Variants in OR7A17 observed in about 807,000 individuals in gnomAD.
The protein encoded by OR7A17 is olfactory receptor family 7 subfamily A member 17.
For missense variants in OR7A17, 366 were observed against 365.5 expected (o/e 1.00, Z -0.01); for synonymous variants, 159 against 142.1 (o/e 1.12, Z -0.85).
rs1241864233 is a variant in OR7A17 at position 14,881,518 on chromosome 19, T to C, written c.-163A>G. ...TGCTGAGATTATAGGCATAAGCCATTGTGCCCAGGCTTGGTTGCATCTTTT... is the reference window on the plus strand; with the variant it reads ...TGCTGAGATTATAGGCATAAGCCATCGTGCCCAGGCTTGGTTGCATCTTTT... On this transcript the variant is annotated 5_prime_UTR_variant, in exon 3 of 3. Coordinates refer to ENST00000641113, the MANE Select transcript of OR7A17 (RefSeq NM_030901.2). The C allele has an allele frequency of 5.5e-6, 2 of 366,380 alleles. No homozygotes were observed. Among genetic ancestry groups the C allele is most frequent in the Non-Finnish European group, 9.3e-6 (2 of 214,888 alleles). 22.7% of individuals were successfully genotyped at this position (366,380 alleles called of 1,614,324 possible).
chr19:14,883,480 T>A (rs968299067), intron 1 of OR7A17, among the ~76,000 whole-genome samples: 5 of 152,108 alleles, frequency 3.3e-5, no homozygotes, highest in Admixed American at 2.6e-4. Flanking sequence ...CTGCACACAC[T>A]ATGATAACTG....
chr19:14,882,391 G>T (rs528342409), intron 1 of OR7A17, among the ~76,000 whole-genome samples: 17 of 152,348 alleles, frequency 1.1e-4, no homozygotes, highest in African/African-American at 3.8e-4. Flanking sequence ...GCAGAATGAA[G>T]ACAGGGCGAG....
At chr19:14,882,956 C>T (rs915476829) in intron 1 of OR7A17, among the ~76,000 whole-genome samples, 12 of 152,308 alleles carry the variant, frequency 7.9e-5, no homozygotes, top group East Asian at 7.7e-4. Flanking sequence ...TCTTTCCCCA[C>T]GAGAATTCAG....
chr19:14,884,621 G>A (rs2145121711), intron 1 of OR7A17: 1 of 152,254 alleles, frequency 6.6e-6, no homozygotes, highest in Admixed American at 6.5e-5. Context: ...TGAAATTGAG[G>A]CAGTAATTAA....
chr19:14,880,739 A>G lies in OR7A17; in HGVS notation c.617T>C (p.Leu206Pro). 1 of 1,614,264 alleles carries G rather than the reference A, an allele frequency of 6.2e-7. No homozygotes were observed. Among genetic ancestry groups the G allele is most frequent in the Non-Finnish European group, 8.5e-7 (1 of 1,180,046 alleles). Residue 206 changes from leucine to proline, a missense_variant, in exon 3 of 3, where the codon CTG becomes CCG. Coordinates refer to ENST00000641113, the MANE Select transcript of OR7A17 (RefSeq NM_030901.2). ...DMGMYFAAGL[L>P]AGGPLVGILC... ...GATCCCCACAAGGGGACCACCAGCCAGCAGCCCTGCTGCAAAATACATCCC... is the reference window on the plus strand; with the variant it reads ...GATCCCCACAAGGGGACCACCAGCCGGCAGCCCTGCTGCAAAATACATCCC...
chr19:14,881,996 G>A (rs1452664526), intron 1 of OR7A17, 125 bp from the exon 2 acceptor site: 1 of 152,086 alleles, frequency 6.6e-6, no homozygotes, highest in Admixed American at 6.6e-5. Context: ...TCTACAAGAA[G>A]CTGTTTTCTA....
At chr19:14,884,805 G>T (rs945290917) in intron 1 of OR7A17, 3 of 152,034 alleles carry the variant, frequency 2.0e-5, no homozygotes, top group African/African-American at 7.2e-5. Context: ...ACCAAAACCT[G>T]GCAGAGACAC....
At position 14,882,069 on chromosome 19, in the gene OR7A17, C is replaced by T. The variant is rs114320925; in HGVS notation, c.-294-198G>A. ...CCTTGCCATCTCTGATTAGGAATTC[C>T]TAGACCACGCTCTCTCGCTCTCTCT... On this transcript the variant is annotated intron_variant, in intron 1 of 2. Transcript: ENST00000641113. 8.8e-3 allele frequency among the ~76,000 whole-genome samples: 1,256 copies of T among 143,102 alleles called. 28 individuals carry two copies. The highest frequency in any genetic ancestry group is 0.03 in the African/African-American group (1,202 of 39,684). The allele number at this position is 143,102 out of a possible 152,430, so 93.9% of individuals were successfully genotyped here.
chr19:14,882,035 A>G (rs1485317235), intron 1 of OR7A17, among the ~76,000 whole-genome samples, 164 bp from the exon 2 acceptor site: 1 of 152,122 alleles, frequency 6.6e-6, no homozygotes, highest in Non-Finnish European at 1.5e-5. Flanking sequence ...GGTCCCTGTT[A>G]GAAGATCTCC....
chr19:14,879,083 T>C lies in OR7A17; in HGVS notation c.*1343A>G, dbSNP rs1164838130. ...TTTGATACAGGCATGCGTTATATAATAATCACATCATGGTGAATGGGGTAC... is the reference window on the plus strand; with the variant it reads ...TTTGATACAGGCATGCGTTATATAACAATCACATCATGGTGAATGGGGTAC... On this transcript the variant is annotated 3_prime_UTR_variant, in exon 3 of 3. Transcript: ENST00000641113. 1.3e-5 allele frequency: 2 copies of C among 152,176 alleles called. No individual in the cohort carries two copies. Among genetic ancestry groups the C allele is most frequent in the African/African-American group, 4.8e-5 (2 of 41,440 alleles). 9.4% of individuals were successfully genotyped at this position (152,176 alleles called of 1,614,324 possible).
rs1268181091 is a variant in OR7A17, at chr19:14,878,416, C to G, written c.*2010G>C. On this transcript the variant is annotated 3_prime_UTR_variant, in exon 3 of 3. Transcript: ENST00000641113. The stretch of plus-strand genomic sequence containing the variant: ...AAATGAACTGATGATAAGTTAAATA[C>G]ACACATTGTTCACTTACCTACATTT... 6.6e-6 allele frequency: 1 copy of G among 152,288 alleles called. No homozygotes were observed. Among genetic ancestry groups the G allele is most frequent in the Admixed American group, 6.5e-5 (1 of 15,296 alleles). The allele number at this position is 152,288 out of a possible 1,614,324, so 9.4% of individuals were successfully genotyped here.
chr19:14,880,209 C>CAAAAAAA lies in OR7A17; in HGVS notation c.*210_*216dup, dbSNP rs3030635. 1.5e-4 allele frequency: 25 copies of CAAAAAAA among 172,180 alleles called. No homozygotes were observed. Among genetic ancestry groups the CAAAAAAA allele is most frequent in the African/African-American group, 5.4e-4 (19 of 35,158 alleles). 10.7% of individuals were successfully genotyped at this position (172,180 alleles called of 1,614,324 possible). ...AAACATTGGGAAAGTAGGAAAATGA[C>CAAAAAAA]AAAAAAAAAAAAAAAAAAAAGATTG... On this transcript the variant is annotated 3_prime_UTR_variant, in exon 3 of 3. Coordinates refer to ENST00000641113, the MANE Select transcript of OR7A17 (RefSeq NM_030901.2).
intron 1 of OR7A17, among the ~76,000 whole-genome samples, chr19:14,882,858 C>T (rs1421393362): frequency 6.6e-6 from 1 of 152,200 alleles, no homozygotes; most frequent in East Asian, 1.9e-4. Flanking sequence ...CTGTAGCTCC[C>T]TGGAGCCATG....
intron 1 of OR7A17, among the ~76,000 whole-genome samples, chr19:14,882,752 C>T (rs930417890): frequency 6.6e-6 from 1 of 152,180 alleles, no homozygotes; most frequent in African/African-American, 2.4e-5. Flanking sequence ...TTTTGGAATA[C>T]AGAGCCCAAA....
rs1337669474 is a variant in OR7A17, at chr19:14,879,031, T to C, written c.*1395A>G. ...TATTTTTGTGGGTACATAGTAGATGTATATACTTATGGGGTACATGAGATG... is the reference window on the plus strand; with the variant it reads ...TATTTTTGTGGGTACATAGTAGATGCATATACTTATGGGGTACATGAGATG... On this transcript the variant is annotated 3_prime_UTR_variant, in exon 3 of 3. Transcript: ENST00000641113. 6.6e-6 allele frequency: 1 copy of C among 152,062 alleles called. No homozygotes were observed. The allele number at this position is 152,062 out of a possible 1,614,324, so 9.4% of individuals were successfully genotyped here.
Position 14,881,419 on chromosome 19 carries a change from G to A in OR7A17, c.-64C>T, listed in dbSNP as rs1224539658. ...TTATTTATTTATTAACATAGACAGG[G>A]TCTCTCACTCTGTTGCCAACGCTGG... On this transcript the variant is annotated 5_prime_UTR_variant, in exon 3 of 3. Transcript: ENST00000641113. 1.9e-6 allele frequency: 2 copies of A among 1,039,840 alleles called. No individual in the cohort carries two copies. Among genetic ancestry groups the A allele is most frequent in the Non-Finnish European group, 2.5e-6 (2 of 802,470 alleles). 64.4% of individuals were successfully genotyped at this position (1,039,840 alleles called of 1,614,324 possible).
chr19:14,881,365 TCTATTTA>T lies in OR7A17; in HGVS notation c.-17_-11del, dbSNP rs1568267164. ...CATTCTCTGGTTCCATCTTTTTTTT[TCTATTTA>T]TTTATTTATTTATTTATTTATTTAT... On this transcript the variant is annotated 5_prime_UTR_variant, in exon 3 of 3. Transcript: ENST00000641113. 10 of 1,250,872 alleles carry T rather than the reference TCTATTTA, an allele frequency of 8.0e-6. No individual in the cohort carries two copies. The highest frequency in any genetic ancestry group is 2.9e-5 in the East Asian group (1 of 34,532). The allele number at this position is 1,250,872 out of a possible 1,614,324, so 77.5% of individuals were successfully genotyped here.
chr19:14,884,267 C>T (rs542277208), intron 1 of OR7A17, among the ~76,000 whole-genome samples: 1 of 151,994 alleles, frequency 6.6e-6, no homozygotes, highest in East Asian at 1.9e-4. Context: ...CTTTTTATGA[C>T]CAAAAATGTT....
At chr19:14,882,159 T>C (rs1166807926) in intron 1 of OR7A17, among the ~76,000 whole-genome samples, 3 of 152,098 alleles carry the variant, frequency 2.0e-5, no homozygotes, top group Non-Finnish European at 2.9e-5. Flanking sequence ...AGAAAAATCA[T>C]TCATGCATTT....
Sources: allele counts gnomAD v4.1 joint callset (sites outside exome capture counted in the v4.1 genomes callset), GRCh38; gene constraint gnomAD v4.1.1; transcripts MANE v1.5; gene names NCBI Gene and HGNC (gene_info 2026-07-23, HGNC 2026-07-21).